Variants in TRIM17 observed in about 807,000 individuals in gnomAD.
The protein encoded by TRIM17 is tripartite motif containing 17, also known as E3 ubiquitin-protein ligase TRIM17.
A neutral mutation model predicts 35.8 loss-of-function variants in TRIM17; 27 were observed. The observed-to-expected ratio is 0.75, with a 90% confidence interval of 0.56 to 1.04. The LOEUF is 1.04. Among genes scored for constraint, TRIM17 ranks in the 50% least tolerant of loss-of-function variants. The pLI is 0.00. For synonymous variants in TRIM17, 246 were observed against 252.6 expected, an observed-to-expected ratio of 0.97 and a Z score of 0.25; for missense variants, 582 against 612.8, an observed-to-expected ratio of 0.95 and a Z score of 0.53.
At chr1:228,409,099 G>A (rs755005927) in intron 6 of TRIM17, 73 bp downstream of exon 6, 41 of 1,613,694 alleles carry the variant, frequency 2.5e-5, no homozygotes, top group Non-Finnish European at 3.2e-5. Flanking sequence ...GGTGGCTTCC[G>A]AGGCTAGGGG....
At chr1:228,409,020 G>A (rs367913614) in intron 6 of TRIM17, 152 bp downstream of exon 6, 23 of 1,593,766 alleles carry the variant, frequency 1.4e-5, no homozygotes, top group African/African-American at 1.3e-4. Flanking sequence ...CAGTAACGCC[G>A]CCCTACGAAG....
Position 228,408,189 on chromosome 1 carries a change from C to A in TRIM17, c.*12G>T. ...AGAGCCAGGAGCAGTGCCCGAGTCC[C>A]CCGGTCTGTGTCTATCCTTTCACCC... On this transcript the variant is annotated 3_prime_UTR_variant, in exon 7 of 7. Coordinates refer to ENST00000366698, the MANE Select transcript of TRIM17 (RefSeq NM_016102.4). The surrounding 1 kb of genome is among the most constrained non-coding windows in gnomAD (Gnocchi z 6.3). The A allele has an allele frequency of 6.6e-7, 1 of 1,514,548 alleles. No homozygotes were observed. The highest frequency in any genetic ancestry group is 1.3e-5 in the South Asian group (1 of 74,740). 93.8% of individuals were successfully genotyped at this position (1,514,548 alleles called of 1,614,324 possible). A position where few individuals can be genotyped will look rare whatever the true frequency, so the allele number is the denominator to read the frequency against.
chr1:228,411,259 G>A lies in TRIM17; in HGVS notation c.526-83C>T. The A allele has an allele frequency of 8.7e-7, 1 of 1,150,514 alleles. No homozygotes were observed. The highest frequency in any genetic ancestry group is 1.2e-6 in the Non-Finnish European group (1 of 809,180). The allele number at this position is 1,150,514 out of a possible 1,614,324, so 71.3% of individuals were successfully genotyped here. ...TGGCACCTCTCCCCAGGGCCCTGGT[G>A]ACCCACAAGATCACCAGCAACTGGA... is the stretch of plus-strand genomic sequence containing the variant. On this transcript the variant is annotated intron_variant, in intron 3 of 6. Transcript: ENST00000366698. This position sits in a 1 kb window ranked among gnomAD's most constrained non-coding sequence, Gnocchi z 4.2.
At chr1:228,413,350 T>C (rs987027268) in intron 3 of TRIM17, among the ~76,000 whole-genome samples, 1 of 152,114 alleles carries the variant, frequency 6.6e-6, no homozygotes, top group Non-Finnish European at 1.5e-5. Flanking sequence ...CAACATCACC[T>C]GCCTCCCCAG....
chr1:228,414,536 G>A lies in TRIM17; in HGVS notation c.429+108C>T, dbSNP rs1014692156. ...ATGCCTCCTCCCCAGCCCCTGACTC[G>A]GGCCACTTTGTCCCTGGACACCTCC... On this transcript the variant is annotated intron_variant, in intron 2 of 6. Transcript: ENST00000366698. The A allele has an allele frequency of 2.7e-5, 27 of 993,908 alleles. No homozygotes were observed. In the Middle Eastern group the frequency reaches 1.6e-3, roughly 58 times the overall value. The allele number at this position is 993,908 out of a possible 1,614,324, so 61.6% of individuals were successfully genotyped here. A position where few individuals can be genotyped will look rare whatever the true frequency, so the allele number is the denominator to read the frequency against.
chr1:228,414,006 G>T, intron 2 of TRIM17, 114 bp from the exon 3 acceptor site: 1 of 810,636 alleles, frequency 1.2e-6, no homozygotes, highest in Non-Finnish European at 2.1e-6. Flanking sequence ...CTCAGGAGGG[G>T]CAGGGGATCA....
rs1656737239 is a variant in TRIM17 at position 228,410,885 on chromosome 1, C to T, written c.756+61G>A. ...GGCTGCCTCTTCCCCAAGCCCAGCG[C>T]CCCCTGCCCATGCCTGTCAGAGCTC... On this transcript the variant is annotated intron_variant, in intron 4 of 6. Transcript: ENST00000366698. This position sits in a 1 kb window ranked among gnomAD's most constrained non-coding sequence, Gnocchi z 4.6. 2 of 1,236,970 alleles carry T rather than the reference C, an allele frequency of 1.6e-6. No individual in the cohort carries two copies. Among genetic ancestry groups the T allele is most frequent in the East Asian group, 2.6e-5 (1 of 38,520 alleles). 76.6% of individuals were successfully genotyped at this position (1,236,970 alleles called of 1,614,324 possible). A position where few individuals can be genotyped will look rare whatever the true frequency, so the allele number is the denominator to read the frequency against.
chr1:228,409,733 A>C, intron 4 of TRIM17: 1 of 220,900 alleles, frequency 4.5e-6, no homozygotes, highest in Non-Finnish European at 8.6e-6. Flanking sequence ...CTCCCATTTC[A>C]GGTGGGTGCA....
intron 4 of TRIM17, chr1:228,409,755 A>T: frequency 1.0e-5 from 2 of 195,538 alleles, no homozygotes; most frequent in Middle Eastern, 1.9e-3. Context: ...CCCACTCAGC[A>T]GGAATGGGGT....
At chr1:228,413,145 A>C (rs2149110103) in intron 3 of TRIM17, among the ~76,000 whole-genome samples, 1 of 148,198 alleles carries the variant, frequency 6.7e-6, no homozygotes, top group African/African-American at 2.5e-5. Context: ...CGGGAGGCAG[A>C]GGTTGCAGTG....
In TRIM17 at chr1:228,414,795, A is replaced by C; in HGVS notation, c.278T>G (p.Leu93Arg). 1 of 1,613,308 alleles carries C rather than the reference A, an allele frequency of 6.2e-7. No individual in the cohort carries two copies. Among genetic ancestry groups the C allele is most frequent in the Non-Finnish European group, 8.5e-7 (1 of 1,180,042 alleles). Reference sequence around the variant, plus strand: ...CTCCTGGCACAGGTCTTGCTTCTGCAGACCAGGATGCTGCTGCGCCATCTC... The same window carrying C: ...CTCCTGGCACAGGTCTTGCTTCTGCCGACCAGGATGCTGCTGCGCCATCTC... Reference protein sequence around the residue: ...VAEMAQQHPGLQKQDLCQEHH... With the variant: ...VAEMAQQHPGRQKQDLCQEHH... Residue 93 changes from leucine (L) to arginine (R), a missense_variant, in exon 2 of 7, where the codon CTG (leucine) becomes CGG (arginine). Transcript: ENST00000366698.
At chr1:228,414,282 C>T (rs950859524) in intron 2 of TRIM17, among the ~76,000 whole-genome samples, 2 of 152,200 alleles carry the variant, frequency 1.3e-5, no homozygotes, top group Admixed American at 6.5e-5. Flanking sequence ...AACATGCTTC[C>T]ATGGGCCTCT....
intron 1 of TRIM17, chr1:228,416,288 G>A (rs1363833277): frequency 2.1e-6 from 2 of 970,566 alleles, no homozygotes; most frequent in Non-Finnish European, 2.4e-6. Flanking sequence ...CCTGACCGAA[G>A]CCGGGCAGGG....
chr1:228,409,191 T>C lies in TRIM17; in HGVS notation c.864A>G (p.Glu288=), dbSNP rs139457088. The change falls in exon 6 of 7, where the codon GAA becomes GAG. Residue 288 remains glutamate (E), a synonymous_variant. Coordinates refer to ENST00000366698, the MANE Select transcript of TRIM17 (RefSeq NM_016102.4). The part of the protein sequence containing the change: ...RTVCRVPGQI[E]VLRGFLEDVV... ...ACTTACCTAGAAAGCCTCTTAGCAC[T>C]TCAATCTGTCCGGGAACTCTGCACA... 206 of 1,614,038 alleles carry C rather than the reference T, an allele frequency of 1.3e-4. 1 individual carries two copies. Among genetic ancestry groups the C allele is most frequent in the Non-Finnish European group, 1.2e-4 (144 of 1,179,982 alleles).
intron 1 of TRIM17, among the ~76,000 whole-genome samples, chr1:228,416,186 A>T (rs1384445055): frequency 6.6e-6 from 1 of 152,064 alleles, no homozygotes; most frequent in East Asian, 1.9e-4. Flanking sequence ...GCTCTGTCCC[A>T]CGTCCAGTTT....
Position 228,408,223 on chromosome 1 carries a change from A to C in TRIM17, c.1412T>G (p.Val471Gly). The change falls in exon 7 of 7, where the codon GTG becomes GGG. Residue 471 changes from valine (V) to glycine (G), a missense_variant. Val to Gly is a moderately radical substitution (Grantham distance 109). Coordinates refer to ENST00000366698, the MANE Select transcript of TRIM17 (RefSeq NM_016102.4). This position sits in a 1 kb window ranked among gnomAD's most constrained non-coding sequence, Gnocchi z 6.3. ...TGTCTATCCTTTCACCCACATGGTC[A>C]CTGTGGAGATGACCATCTGACCAGA... is the stretch of plus-strand genomic sequence containing the variant. ...PKSGQMVIST[V>G]TMWVKG is the part of the protein sequence containing the mutation. 2.0e-6 allele frequency: 3 copies of C among 1,536,980 alleles called. No homozygotes were observed. The highest frequency in any genetic ancestry group is 2.6e-6 in the Non-Finnish European group (3 of 1,142,986).
intron 4 of TRIM17, 167 bp from the exon 5 acceptor site, chr1:228,409,578 T>G: frequency 1.7e-6 from 1 of 603,952 alleles, no homozygotes; most frequent in Non-Finnish European, 2.8e-6. Context: ...CCCACTGCCC[T>G]AGCTCCCACT....
At position 228,414,632 on chromosome 1, in the gene TRIM17, G is replaced by C. The variant is rs768787836; in HGVS notation, c.429+12C>G. 2 of 1,603,624 alleles carry C rather than the reference G, an allele frequency of 1.2e-6. No individual in the cohort carries two copies. The highest frequency in any genetic ancestry group is 4.5e-5 in the East Asian group (2 of 44,686). ...TCCCCGGCCCCTTGACCTGGGCCCC[G>C]ATGTGGCCTACCTTGTACCCCTGCA... is the stretch of plus-strand genomic sequence containing the variant. On this transcript the variant is annotated intron_variant, in intron 2 of 6. Transcript: ENST00000366698.
chr1:228,414,610 C>T, intron 2 of TRIM17, 34 bp downstream of exon 2: 2 of 1,578,186 alleles, frequency 1.3e-6, no homozygotes, highest in South Asian at 1.1e-5. Flanking sequence ...TGCCTCCTCC[C>T]CGGCCCCTTG....
Sources: gnomAD v4.1 joint callset for allele counts (sites outside exome capture counted in the v4.1 genomes callset) on GRCh38, gnomAD v4.1.1 for gene constraint, Gnocchi (gnomAD v3.1) non-coding constraint, MANE v1.5 for transcripts, NCBI Gene and HGNC (gene_info 2026-07-23, HGNC 2026-07-21) for gene names.